PLEKHA8: variants seen among roughly 807,000 people sequenced by gnomAD.
PLEKHA8 encodes pleckstrin homology domain-containing family A member 8.
In PLEKHA8, 36 loss-of-function variants were observed where a neutral mutation model predicts 68.2. The observed-to-expected ratio is 0.53, with a 90% CI of 0.40 to 0.70. PLEKHA8 has a LOEUF of 0.70. Ranked by LOEUF, PLEKHA8 falls within the 30% of genes least tolerant of loss-of-function variation. The probability of loss-of-function intolerance (pLI) is 0.00; values close to 1 mark genes in which losing one functional copy is unlikely to be tolerated. For missense variants in PLEKHA8, 505 were observed against 615.4 expected, an observed-to-expected ratio of 0.82 and a Z score of 1.90; for synonymous variants, 211 against 216.1, an observed-to-expected ratio of 0.98 and a Z score of 0.20.
intron 13 of PLEKHA8, among the ~76,000 whole-genome samples, chr7:30,103,980 A>T (rs984065859): frequency 1.3e-5 from 2 of 148,472 alleles, no homozygotes; most frequent in African/African-American, 5.0e-5. Context: ...AAAAGCTTGT[A>T]TCCAGACTCC....
intron 13 of PLEKHA8, among the ~76,000 whole-genome samples, chr7:30,105,091 G>A (rs548392707): frequency 4.6e-5 from 7 of 152,048 alleles, no homozygotes; most frequent in South Asian, 2.1e-4. Flanking sequence ...GGTTATATGC[G>A]TGGGCATTTG....
intron 12 of PLEKHA8, among the ~76,000 whole-genome samples, chr7:30,064,357 G>A (rs1793665881): frequency 6.6e-6 from 1 of 152,158 alleles, no homozygotes; most frequent in Non-Finnish European, 1.5e-5. Flanking sequence ...TTTGAGACCA[G>A]CCTATGCAAC....
At chr7:30,126,873 C>G (rs890701287) in intron 13 of PLEKHA8, among the ~76,000 whole-genome samples, 2 of 152,212 alleles carry the variant, frequency 1.3e-5, no homozygotes, top group Non-Finnish European at 2.9e-5. Flanking sequence ...TTATCTTCTA[C>G]TAGGTCCCTC....
At chr7:30,108,406 A>G (rs1054937543) in intron 13 of PLEKHA8, among the ~76,000 whole-genome samples, 1 of 152,198 alleles carries the variant, frequency 6.6e-6, no homozygotes, top group Non-Finnish European at 1.5e-5. Context: ...ATTCACTGGA[A>G]CAGTTTGTTT....
At chr7:30,045,230 A>G in intron 2 of PLEKHA8, 29 bp downstream of exon 2, 1 of 1,527,608 alleles carries the variant, frequency 6.5e-7, no homozygotes, top group Non-Finnish European at 9.0e-7. Context: ...TGCAAGTTTT[A>G]TTTTTCTTTC....
At position 30,101,339 on chromosome 7, in the gene PLEKHA8, G is replaced by A. The variant is rs142715053; in HGVS notation, c.1362+27207G>A. ...CTGCTGTAATAAAATACCATAGACC[G>A]GGTAGCTTATGAACAACGGGAGTTT... is the stretch of plus-strand genomic sequence containing the variant. On this transcript the variant is annotated intron_variant, in intron 13 of 13. Coordinates refer to the PLEKHA8 transcript ENST00000396257. Among the ~76,000 whole-genome samples the A allele has an allele frequency of 2.7e-3, 414 of 152,252 alleles. 2 individuals are homozygous for A. The highest frequency in any genetic ancestry group is 9.6e-3 in the African/African-American group (400 of 41,546).
In PLEKHA8 at chr7:30,062,674, G is replaced by T; in HGVS notation, c.1232G>T (p.Gly411Val). The T allele has an allele frequency of 1.9e-6, 3 of 1,608,928 alleles. No homozygotes were observed. Among genetic ancestry groups the T allele is most frequent in the Non-Finnish European group, 2.6e-6 (3 of 1,175,432 alleles). The change falls in exon 12 of 14, where the codon GGT (glycine) becomes GTT (valine). Residue 411 changes from glycine (G) to valine (V), a missense_variant and splice_region_variant. Transcript: ENST00000449726. ...ATEALLWLKR[G>V]LKFLKGFLTE... Reference sequence around the variant, plus strand: ...TTTCTTCCTTTATTTTGTTTTAGAGGTCTCAAATTTTTGAAGGGATTTTTG... The same window carrying T: ...TTTCTTCCTTTATTTTGTTTTAGAGTTCTCAAATTTTTGAAGGGATTTTTG...
At chr7:30,071,422 C>T (rs915645487) in intron 12 of PLEKHA8, among the ~76,000 whole-genome samples, 2 of 152,204 alleles carry the variant, frequency 1.3e-5, no homozygotes, top group East Asian at 3.9e-4. Context: ...ACCCAGCCTT[C>T]GGGATTCCTT....
At chr7:30,108,869 C>T (rs1583477195) in intron 13 of PLEKHA8, among the ~76,000 whole-genome samples, 7 of 152,282 alleles carry the variant, frequency 4.6e-5, no homozygotes, top group Admixed American at 4.6e-4. Flanking sequence ...TTCACAGCAA[C>T]TCCAGTAAAC....
intron 13 of PLEKHA8, among the ~76,000 whole-genome samples, chr7:30,118,595 T>TG (rs1796640123): frequency 6.6e-6 from 1 of 151,544 alleles, no homozygotes; most frequent in Non-Finnish European, 1.5e-5. Context: ...TTTTTTTTTT[T>TG]GAGACGGAGT....
chr7:30,033,851 A>G (rs891170311), intron 1 of PLEKHA8, among the ~76,000 whole-genome samples: 5 of 152,076 alleles, frequency 3.3e-5, no homozygotes, highest in African/African-American at 1.2e-4. Flanking sequence ...GTGGATGTGA[A>G]ATGATATCTC....
intron 9 of PLEKHA8, among the ~76,000 whole-genome samples, chr7:30,059,839 A>G (rs1793297054): frequency 6.9e-6 from 1 of 144,650 alleles, no homozygotes; most frequent in South Asian, 2.2e-4. Context: ...ATTAATTTTA[A>G]TTATTTTAAA....
chr7:30,041,505 G>T (rs749471690), intron 1 of PLEKHA8, among the ~76,000 whole-genome samples: 1 of 145,600 alleles, frequency 6.9e-6, no homozygotes. Context: ...CTGTAGTCTC[G>T]AACTCCTAGG....
intron 1 of PLEKHA8, 119 bp downstream of exon 1, chr7:30,028,921 C>G: frequency 3.6e-6 from 4 of 1,101,436 alleles, no homozygotes; most frequent in Non-Finnish European, 4.6e-6. Flanking sequence ...GAGGCCAGCG[C>G]GGAGCGGGAG....
intron 13 of PLEKHA8, among the ~76,000 whole-genome samples, chr7:30,116,438 TAAAG>T (rs1247130644): frequency 1.6e-3 from 236 of 152,230 alleles, no homozygotes; most frequent in African/African-American, 5.4e-3. Flanking sequence ...TAAAATTCAT[TAAAG>T]AACAAACAAC....
At chr7:30,117,382 A>G (rs940310279) in intron 13 of PLEKHA8, among the ~76,000 whole-genome samples, 2 of 152,172 alleles carry the variant, frequency 1.3e-5, no homozygotes, top group African/African-American at 4.8e-5. Context: ...TGTAGTAGAA[A>G]TAATAGCCTT....
At chr7:30,114,594 T>A (rs572281208) in intron 13 of PLEKHA8, among the ~76,000 whole-genome samples, 1 of 152,350 alleles carries the variant, frequency 6.6e-6, no homozygotes, top group South Asian at 2.1e-4. Context: ...ATATGAAGTT[T>A]TAGGGTATCT....
chr7:30,073,563 TAAAAAAA>T lies in PLEKHA8; in HGVS notation c.1301-488_1301-482del, dbSNP rs35738941. On this transcript the variant is annotated intron_variant, in intron 12 of 13. Coordinates refer to ENST00000449726, the MANE Select transcript of PLEKHA8 (RefSeq NM_001197026.2). ...TAAGAGTGGAAGTATTTGTGTTTCT[TAAAAAAA>T]AAAAAAAAAAAAAAAAAAATTCCAT... is the stretch of plus-strand genomic sequence containing the variant. Among the ~76,000 whole-genome samples, 493 of 111,762 alleles carry T rather than the reference TAAAAAAA, an allele frequency of 4.4e-3. 8 individuals are homozygous for T. The highest frequency in any genetic ancestry group is 0.016 in the African/African-American group (457 of 28,060). The allele number at this position is 111,762 out of a possible 152,430, so 73.3% of individuals were successfully genotyped here. A position where few individuals can be genotyped will look rare whatever the true frequency, so the allele number is the denominator to read the frequency against.
chr7:30,095,411 G>A (rs959599878), downstream of PLEKHA8, among the ~76,000 whole-genome samples: 3 of 152,184 alleles, frequency 2.0e-5, no homozygotes. Context: ...GTTCATTGTA[G>A]ATTCTGGATA....
Sources: gnomAD v4.1 joint callset for allele counts (sites outside exome capture counted in the v4.1 genomes callset) on GRCh38, gnomAD v4.1.1 for gene constraint, MANE v1.5 for transcripts, NCBI Gene and HGNC (gene_info 2026-07-23, HGNC 2026-07-21) for gene names.